The following CCDC181 variants were observed in gnomAD, a reference collection of about 807,000 sequenced individuals.
CCDC181 encodes the protein coiled-coil domain-containing protein 181.
In CCDC181, 35 loss-of-function variants were observed where a neutral mutation model predicts 58.7. The observed-to-expected ratio is 0.60, with a 90% CI of 0.46 to 0.79. The LOEUF (loss-of-function observed/expected upper bound fraction) is 0.79. CCDC181 is among the 30% of genes least tolerant of loss of function. CCDC181 has a pLI of 0.00. For synonymous variants in CCDC181, 183 were observed against 197.5 expected (o/e 0.93, Z 0.62); for missense variants, 517 against 583.9 (o/e 0.89, Z 1.18).
rs1656348727 is a variant in CCDC181, at chr1:169,419,104, A to G, written c.1124T>C (p.Val375Ala). The change falls in exon 4 of 6, where the codon GTA becomes GCA. Residue 375 changes from valine (V) to alanine (A), a missense_variant. Physicochemically the swap from Val to Ala is moderately conservative, Grantham distance 64. Transcript: ENST00000367806. ...TTTCTTTTGCAACCACGCTTTAAAT[A>G]CTATGTCATTCTCTCTCTTTTTTTC... ...EKEKKRENDI[V>A]FKAWLQKKRE... 6.2e-7 allele frequency: 1 copy of G among 1,613,008 alleles called. No individual in the cohort carries two copies. The highest frequency in any genetic ancestry group is 8.5e-7 in the Non-Finnish European group (1 of 1,179,840).
intron 2 of CCDC181, among the ~76,000 whole-genome samples, chr1:169,437,994 T>C (rs1657103362): frequency 6.6e-6 from 1 of 152,080 alleles, no homozygotes; most frequent in African/African-American, 2.4e-5. Context: ...CAAAACTAAA[T>C]AGAGAAAATT....
At chr1:169,449,435 G>C (rs549591815) in intron 2 of CCDC181, among the ~76,000 whole-genome samples, 2 of 152,308 alleles carry the variant, frequency 1.3e-5, no homozygotes, top group East Asian at 1.9e-4. Flanking sequence ...GGACTAATAG[G>C]ATAGATGTAT....
At chr1:169,434,196 C>CG (rs1656994671) in intron 2 of CCDC181, among the ~76,000 whole-genome samples, 1 of 151,926 alleles carries the variant, frequency 6.6e-6, no homozygotes, top group Admixed American at 6.6e-5. Flanking sequence ...TGAAAAGATG[C>CG]TAACTATCAC....
chr1:169,447,696 A>C (rs1657413976), intron 2 of CCDC181, among the ~76,000 whole-genome samples: 1 of 152,192 alleles, frequency 6.6e-6, no homozygotes, highest in South Asian at 2.1e-4. Flanking sequence ...TTGTTGTTAG[A>C]TGCATGCTAA....
At chr1:169,431,619 A>G (rs1290501090), upstream of CCDC181, among the ~76,000 whole-genome samples, 2 of 152,194 alleles carry the variant, frequency 1.3e-5, no homozygotes, top group Non-Finnish European at 2.9e-5. Context: ...GAAGGCTTGG[A>G]CAGAAAACTG....
chr1:169,451,227 A>G (rs1657526761), intron 2 of CCDC181: 1 of 152,038 alleles, frequency 6.6e-6, no homozygotes, highest in African/African-American at 2.4e-5. Context: ...GTTGCTGGGG[A>G]AAATCACAGC....
chr1:169,424,737 A>T, intron 2 of CCDC181, 74 bp downstream of exon 2: 1 of 822,846 alleles, frequency 1.2e-6, no homozygotes, highest in Non-Finnish European at 2.0e-6. Flanking sequence ...AGATGAGATA[A>T]TAATGTGAAA....
intron 2 of CCDC181, chr1:169,451,393 T>C (rs547204861): frequency 9.2e-5 from 14 of 152,264 alleles, no homozygotes; most frequent in African/African-American, 2.9e-4. Context: ...AAGATAACTA[T>C]AGTAGCACAA....
chr1:169,401,916 T>G (rs533484369), intron 4 of CCDC181, among the ~76,000 whole-genome samples: 5 of 152,156 alleles, frequency 3.3e-5, no homozygotes, highest in African/African-American at 1.2e-4. Flanking sequence ...AAAAAAAGAT[T>G]AGACGAATGG....
chr1:169,441,337 AAG>A (rs908686943), intron 2 of CCDC181, among the ~76,000 whole-genome samples: 6 of 152,132 alleles, frequency 3.9e-5, no homozygotes, highest in South Asian at 2.1e-4. Context: ...TTGATCAGGG[AAG>A]AGAGAGGAAT....
At chr1:169,405,350 A>T (rs976011713) in intron 4 of CCDC181, among the ~76,000 whole-genome samples, 4 of 152,198 alleles carry the variant, frequency 2.6e-5, no homozygotes, top group Non-Finnish European at 4.4e-5. Context: ...CATTGCCAAG[A>T]CAATCCTAAG....
chr1:169,438,569 A>G (rs1238882910), intron 2 of CCDC181, among the ~76,000 whole-genome samples: 1 of 152,210 alleles, frequency 6.6e-6, no homozygotes, highest in Non-Finnish European at 1.5e-5. Flanking sequence ...CAAAATACAT[A>G]CAACAAAACA....
chr1:169,406,475 G>T (rs1454099825), intron 4 of CCDC181, among the ~76,000 whole-genome samples: 1 of 152,138 alleles, frequency 6.6e-6, no homozygotes. Context: ...CCATAAAAAA[G>T]GATGAGTTCA....
chr1:169,437,170 ACTGAGTT>A (rs1657078667), intron 2 of CCDC181, among the ~76,000 whole-genome samples: 1 of 152,168 alleles, frequency 6.6e-6, no homozygotes, highest in South Asian at 2.1e-4. Flanking sequence ...GTCTCCTTGC[ACTGAGTT>A]CCTGGGTGGG....
At chr1:169,398,520 A>G (rs1034705830) in intron 4 of CCDC181, among the ~76,000 whole-genome samples, 2 of 152,216 alleles carry the variant, frequency 1.3e-5, no homozygotes, top group African/African-American at 4.8e-5. Flanking sequence ...TATTCATAGT[A>G]TTTACTACAT....
chr1:169,414,944 T>C (rs1206578973), intron 4 of CCDC181, among the ~76,000 whole-genome samples: 1 of 152,176 alleles, frequency 6.6e-6, no homozygotes, highest in Non-Finnish European at 1.5e-5. Flanking sequence ...TAAAATATAT[T>C]TTTGAGACAA....
chr1:169,401,006 G>A (rs2003652), intron 4 of CCDC181, among the ~76,000 whole-genome samples: 81,245 of 152,046 alleles, frequency 0.53, 22,540 homozygotes, highest in Non-Finnish European at 0.6. Flanking sequence ...ATTATATCCC[G>A]CACCTGGCTC....
intron 4 of CCDC181, among the ~76,000 whole-genome samples, chr1:169,404,137 G>C (rs1368060204): frequency 6.6e-6 from 1 of 151,978 alleles, no homozygotes; most frequent in Non-Finnish European, 1.5e-5. Flanking sequence ...CTGAATAGAC[G>C]AATAACAGGC....
At chr1:169,402,020 A>G (rs1655381177) in intron 4 of CCDC181, among the ~76,000 whole-genome samples, 1 of 152,234 alleles carries the variant, frequency 6.6e-6, no homozygotes, top group South Asian at 2.1e-4. Context: ...CACAACCTTC[A>G]GTAGCCAATT....
Sources: allele counts gnomAD v4.1 joint callset (sites outside exome capture counted in the v4.1 genomes callset), GRCh38; gene constraint gnomAD v4.1.1; transcripts MANE v1.5; gene names NCBI Gene and HGNC (gene_info 2026-07-23, HGNC 2026-07-21).